The following SLC15A5 variants were observed in gnomAD, a reference collection of about 807,000 sequenced individuals.
The protein encoded by SLC15A5 is Peptide/histidine transporter ENSP00000340402.
SLC15A5 carries 58 observed loss-of-function variants against 56.1 expected under a neutral mutation model. The ratio of observed to expected loss-of-function variants is 1.03; its 90% CI spans 0.84 to 1.29. The LOEUF is 1.29. Among genes scored for constraint, SLC15A5 ranks in the 50% most tolerant of loss-of-function variants. The probability of loss-of-function intolerance (pLI) is 0.00; values close to 1 mark genes in which losing one functional copy is unlikely to be tolerated. For missense variants in SLC15A5, 681 were observed against 672.1 expected (o/e 1.01, Z -0.15); for synonymous variants, 264 against 250.5 (o/e 1.05, Z -0.51).
At chr12:16,238,084 T>A (rs2136256859) in intron 5 of SLC15A5, among the ~76,000 whole-genome samples, 1 of 152,242 alleles carries the variant, frequency 6.6e-6, no homozygotes, top group Middle Eastern at 3.4e-3. Context: ...GTTACTGGCT[T>A]AAGAAATACA....
chr12:16,220,433 C>T (rs768334339), intron 6 of SLC15A5, among the ~76,000 whole-genome samples: 24 of 152,218 alleles, frequency 1.6e-4, no homozygotes, highest in Non-Finnish European at 2.8e-4. Flanking sequence ...AGTTCCTTGA[C>T]CTCCAATGTC....
Position 16,216,921 on chromosome 12 carries a change from C to CA in SLC15A5, c.1454dup (p.Val486GlyfsTer49). 2.0e-6 allele frequency: 3 copies of CA among 1,536,650 alleles called. 1 individual carries two copies. The highest frequency in any genetic ancestry group is 2.6e-6 in the Non-Finnish European group (3 of 1,146,582). ...CTGAGATGAGATATACCAACTTCAC[C>CA]AGCAGTGCCCCTGTGAAACAGCCAA... On this transcript the variant is annotated frameshift_variant, in exon 7 of 9. Transcript: ENST00000344941. LOFTEE classifies it high-confidence loss of function.
At chr12:16,211,158 A>G (rs921881370) in intron 7 of SLC15A5, among the ~76,000 whole-genome samples, 1 of 152,204 alleles carries the variant, frequency 6.6e-6, no homozygotes, top group South Asian at 2.1e-4. Context: ...CGAGGCATAG[A>G]TCTGAATTTG....
chr12:16,266,787 C>CA (rs1220980157), intron 2 of SLC15A5, among the ~76,000 whole-genome samples: 2 of 152,062 alleles, frequency 1.3e-5, no homozygotes, highest in African/African-American at 4.8e-5. Context: ...AGCACTAAAG[C>CA]AAAACAAATA....
chr12:16,206,782 G>T (rs1429347625), intron 7 of SLC15A5, among the ~76,000 whole-genome samples: 1 of 152,176 alleles, frequency 6.6e-6, no homozygotes, highest in Non-Finnish European at 1.5e-5. Context: ...ATGAAGTCAG[G>T]TTGCTGTTTC....
chr12:16,257,592 A>G (rs912883818), intron 3 of SLC15A5, 109 bp downstream of exon 3: 24 of 915,048 alleles, frequency 2.6e-5, no homozygotes, highest in Admixed American at 1.6e-4. Flanking sequence ...ATCTGACACA[A>G]TTTTCAAATT....
In SLC15A5 at chr12:16,239,589, A is replaced by G. The variant is rs965194062; in HGVS notation, c.1162+92T>C. The G allele has an allele frequency of 2.7e-5, 34 of 1,244,612 alleles. No individual in the cohort carries two copies. The African/African-American group carries it at 3.5e-4, about 13-fold the overall frequency. 77.1% of individuals were successfully genotyped at this position (1,244,612 alleles called of 1,614,324 possible). A position where few individuals can be genotyped will look rare whatever the true frequency, so the allele number is the denominator to read the frequency against. On this transcript the variant is annotated intron_variant, in intron 5 of 8. Transcript: ENST00000344941. ...TTCCATATTATCAAAATCTGACACT[A>G]CTCAGGAGCATATAGCTAGTTCGGA...
At chr12:16,212,663 T>C (rs1270367972) in intron 7 of SLC15A5, among the ~76,000 whole-genome samples, 1 of 152,154 alleles carries the variant, frequency 6.6e-6, no homozygotes, top group Non-Finnish European at 1.5e-5. Flanking sequence ...TGCAATGAGG[T>C]CTAGGAATTT....
chr12:16,260,758 G>GT (rs36000800), intron 2 of SLC15A5, among the ~76,000 whole-genome samples: 49 of 147,210 alleles, frequency 3.3e-4, no homozygotes, highest in East Asian at 1.6e-3. Context: ...GTATTTTCCC[G>GT]TTTTTTTTTT....
chr12:16,192,842 A>G (rs569798057), intron 8 of SLC15A5, among the ~76,000 whole-genome samples: 1 of 152,228 alleles, frequency 6.6e-6, no homozygotes, highest in Admixed American at 6.6e-5. Flanking sequence ...CAGAGCATTT[A>G]CTCATCCTCA....
intron 3 of SLC15A5, among the ~76,000 whole-genome samples, chr12:16,248,833 T>C (rs1864490426): frequency 1.3e-5 from 2 of 152,046 alleles, no homozygotes; most frequent in East Asian, 1.9e-4. Flanking sequence ...TTGACGAAAA[T>C]ACTGAAATGA....
intron 3 of SLC15A5, among the ~76,000 whole-genome samples, chr12:16,254,375 G>A (rs7966163): frequency 0.45 from 68,195 of 151,776 alleles, 15,521 homozygotes; most frequent in South Asian, 0.61. Context: ...TTAGTGTTGC[G>A]GCAAGATGAA....
intron 7 of SLC15A5, among the ~76,000 whole-genome samples, chr12:16,209,167 T>C (rs915354487): frequency 6.6e-6 from 1 of 152,166 alleles, no homozygotes; most frequent in Admixed American, 6.5e-5. Context: ...TCCTACTTGA[T>C]TTTATAGTAG....
chr12:16,206,657 G>A (rs1864022627), intron 7 of SLC15A5, among the ~76,000 whole-genome samples: 1 of 152,164 alleles, frequency 6.6e-6, no homozygotes, highest in African/African-American at 2.4e-5. Context: ...TTGAGTGACT[G>A]GATGAGCTGA....
chr12:16,190,380 A>G (rs777668738), intron 8 of SLC15A5, among the ~76,000 whole-genome samples: 4 of 152,172 alleles, frequency 2.6e-5, no homozygotes, highest in Non-Finnish European at 5.9e-5. Flanking sequence ...CTTAAGGTTC[A>G]TAGAAATAGT....
chr12:16,277,481 T>C lies in SLC15A5; in HGVS notation c.205A>G (p.Thr69Ala). 5.2e-6 allele frequency: 8 copies of C among 1,536,572 alleles called. No individual in the cohort carries two copies. Among genetic ancestry groups the C allele is most frequent in the Non-Finnish European group, 7.0e-6 (8 of 1,146,466 alleles). Residue 69 changes from threonine (T) to alanine (A), a missense_variant, in exon 1 of 9, where the codon ACT becomes GCT. Coordinates refer to ENST00000344941, the MANE Select transcript of SLC15A5 (RefSeq NM_001170798.1). ...CAATTGTGATAGCCAAGCTTGATAG[T>C]GCAAAAGGGGATCATGTTGCAGACG... ...EVVCNMIPFC[T>A]IKLGYHNCQA... is the part of the protein sequence containing the mutation.
rs572267185 is a variant in SLC15A5, at chr12:16,224,603, C to T, written c.1163-1G>A. 2 of 1,526,982 alleles carry T rather than the reference C, an allele frequency of 1.3e-6. No homozygotes were observed. Among genetic ancestry groups the T allele is most frequent in the South Asian group, 2.4e-5 (2 of 82,594 alleles). The allele number at this position is 1,526,982 out of a possible 1,614,324, so 94.6% of individuals were successfully genotyped here. ...AATGCAGCAAAAAGATTTCCAGCAA[C>T]TGAAGGAAAATAATGCAAAAGAAAA... On this transcript the variant is annotated splice_acceptor_variant, in intron 5 of 8. Coordinates refer to ENST00000344941, the MANE Select transcript of SLC15A5 (RefSeq NM_001170798.1). LOFTEE classifies it high-confidence loss of function.
chr12:16,255,747 G>C (rs902580350), intron 3 of SLC15A5, among the ~76,000 whole-genome samples: 1 of 151,746 alleles, frequency 6.6e-6, no homozygotes, highest in Non-Finnish European at 1.5e-5. Context: ...TTTGTTACAC[G>C]ATGAATATAC....
At chr12:16,205,482 T>C (rs922002296) in intron 7 of SLC15A5, among the ~76,000 whole-genome samples, 1 of 149,242 alleles carries the variant, frequency 6.7e-6, no homozygotes, top group African/African-American at 2.5e-5. Context: ...GTAATATTTA[T>C]AGCATGAAAA....
Sources: allele counts gnomAD v4.1 joint callset (sites outside exome capture counted in the v4.1 genomes callset), GRCh38; gene constraint gnomAD v4.1.1; transcripts MANE v1.5; gene names NCBI Gene and HGNC (gene_info 2026-07-23, HGNC 2026-07-21).